The following TMCC1 variants were observed in gnomAD, a reference collection of about 807,000 sequenced individuals.
The protein encoded by TMCC1 is transmembrane and coiled-coil domain family 1, also known as transmembrane and coiled-coil domains protein 1.
A neutral mutation model predicts 52.4 loss-of-function variants in TMCC1; 15 were observed. The ratio of observed to expected loss-of-function variants is 0.29; its 90% confidence interval spans 0.19 to 0.44. The LOEUF is 0.44. Ranked by LOEUF, TMCC1 falls within the 20% of genes least tolerant of loss-of-function variation. TMCC1 has a pLI of 1.00. For missense variants in TMCC1, 503 were observed against 806.0 expected (o/e 0.62, Z 4.55); for synonymous variants, 279 against 301.9 (o/e 0.92, Z 0.79).
chr3:129,730,470 C>T (rs1274695738), intron 4 of TMCC1, among the ~76,000 whole-genome samples: 2 of 152,238 alleles, frequency 1.3e-5, no homozygotes, highest in African/African-American at 2.4e-5. Flanking sequence ...GCAATATTTA[C>T]GTGGGTCTAT....
intron 4 of TMCC1, among the ~76,000 whole-genome samples, chr3:129,725,966 C>T (rs1365257159): frequency 2.0e-5 from 3 of 152,096 alleles, no homozygotes; most frequent in Non-Finnish European, 4.4e-5. Context: ...ACCCAAAAAC[C>T]TAAAGATAAT....
At chr3:129,765,416 A>C (rs2054044156) in intron 4 of TMCC1, among the ~76,000 whole-genome samples, 2 of 152,262 alleles carry the variant, frequency 1.3e-5, no homozygotes, top group South Asian at 4.1e-4. Flanking sequence ...TTATCAGTAA[A>C]TATACTCATA....
At chr3:129,820,006 A>G (rs895920638) in intron 4 of TMCC1, 2 of 151,152 alleles carry the variant, frequency 1.3e-5, no homozygotes, top group African/African-American at 2.4e-5. Flanking sequence ...GATTCATTTA[A>G]TATCCCAAGG....
At chr3:129,870,458 T>C (rs1354672961) in intron 2 of TMCC1, among the ~76,000 whole-genome samples, 1 of 151,954 alleles carries the variant, frequency 6.6e-6, no homozygotes, top group Non-Finnish European at 1.5e-5. Context: ...CTAATGAGGC[T>C]GGACAGCGTG....
At chr3:129,864,696 T>A (rs1329009684) in intron 2 of TMCC1, among the ~76,000 whole-genome samples, 3 of 152,132 alleles carry the variant, frequency 2.0e-5, no homozygotes, top group Admixed American at 2.0e-4. Flanking sequence ...AGAGCTGAGA[T>A]CACACCCTGC....
intron 2 of TMCC1, among the ~76,000 whole-genome samples, chr3:129,869,380 A>G (rs944593615): frequency 2.0e-5 from 3 of 152,086 alleles, no homozygotes; most frequent in Non-Finnish European, 4.4e-5. Flanking sequence ...TGATAAACAT[A>G]AGTGTTTTCC....
chr3:129,745,733 G>A (rs1457391298), intron 4 of TMCC1, among the ~76,000 whole-genome samples: 3 of 151,848 alleles, frequency 2.0e-5, no homozygotes, highest in South Asian at 2.1e-4. Flanking sequence ...AGGCCGAGGC[G>A]GGTGGATCAC....
intron 4 of TMCC1, among the ~76,000 whole-genome samples, chr3:129,759,814 C>T (rs1264733074): frequency 7.3e-6 from 1 of 137,416 alleles, no homozygotes; most frequent in African/African-American, 2.7e-5. Context: ...CTCCGCCTCC[C>T]GGGTTCACGC....
intron 4 of TMCC1, among the ~76,000 whole-genome samples, chr3:129,709,334 A>C (rs1484895618): frequency 6.6e-6 from 1 of 151,766 alleles, no homozygotes; most frequent in Non-Finnish European, 1.5e-5. Flanking sequence ...TGGGCATGGC[A>C]TGGTGGGCTT....
intron 4 of TMCC1, among the ~76,000 whole-genome samples, chr3:129,679,335 G>A (rs1388737700): frequency 1.3e-5 from 2 of 151,950 alleles, no homozygotes; most frequent in African/African-American, 2.4e-5. Context: ...TGATGGAGTC[G>A]TGCTCTGTCA....
chr3:129,677,952 A>G (rs1197350210), intron 4 of TMCC1, among the ~76,000 whole-genome samples: 2 of 152,214 alleles, frequency 1.3e-5, no homozygotes, highest in Non-Finnish European at 2.9e-5. Context: ...TTTGAGACAG[A>G]GTCTCGCTCT....
intron 4 of TMCC1, among the ~76,000 whole-genome samples, chr3:129,733,447 A>G (rs1292355833): frequency 6.6e-6 from 1 of 152,228 alleles, no homozygotes; most frequent in Non-Finnish European, 1.5e-5. Flanking sequence ...GATAGCAGTA[A>G]AAACCATGGA....
chr3:129,818,259 G>GA (rs917426554), intron 4 of TMCC1, among the ~76,000 whole-genome samples: 86 of 150,986 alleles, frequency 5.7e-4, no homozygotes, highest in African/African-American at 1.9e-3. Flanking sequence ...TATTTTTTAA[G>GA]AAAAAAAAGA....
At chr3:129,704,378 T>C (rs902428504) in intron 4 of TMCC1, among the ~76,000 whole-genome samples, 1 of 152,186 alleles carries the variant, frequency 6.6e-6, no homozygotes, top group Admixed American at 6.5e-5. Context: ...ATATGCTCTT[T>C]GGCCCAGTGC....
At chr3:129,769,414 G>A (rs1358880295) in intron 4 of TMCC1, among the ~76,000 whole-genome samples, 1 of 152,114 alleles carries the variant, frequency 6.6e-6, no homozygotes. Flanking sequence ...ATTTTTAGTA[G>A]AGACGGGGTT....
intron 4 of TMCC1, among the ~76,000 whole-genome samples, chr3:129,719,716 A>AGAG (rs1158023956): frequency 6.6e-6 from 1 of 152,176 alleles, no homozygotes; most frequent in African/African-American, 2.4e-5. Context: ...TGTGTTGTTG[A>AGAG]GAGGATAGTG....
chr3:129,684,399 G>A (rs1264837657), intron 4 of TMCC1, among the ~76,000 whole-genome samples: 1 of 152,238 alleles, frequency 6.6e-6, no homozygotes, highest in East Asian at 1.9e-4. Context: ...CTCTGTTGAT[G>A]TAGGAGTCGG....
chr3:129,686,443 C>T (rs921530999), intron 4 of TMCC1, among the ~76,000 whole-genome samples: 4 of 152,134 alleles, frequency 2.6e-5, no homozygotes, highest in African/African-American at 9.7e-5. Flanking sequence ...CCACGTACCC[C>T]ACTCTAGTCA....
chr3:129,695,142 A>ACCCTTAATAAC (rs11419193), intron 4 of TMCC1, among the ~76,000 whole-genome samples: 1 of 139,020 alleles, frequency 7.2e-6, no homozygotes, highest in African/African-American at 2.7e-5. Context: ...ATTAATAATA[A>ACCCTTAATAAC]CCTTTGAAAA....
Sources: allele counts gnomAD v4.1 joint callset (sites outside exome capture counted in the v4.1 genomes callset), GRCh38; gene constraint gnomAD v4.1.1; transcripts MANE v1.5; gene names NCBI Gene and HGNC (gene_info 2026-07-23, HGNC 2026-07-21).